Variants in CDH18 observed in about 807,000 individuals in gnomAD.
CDH18 encodes the protein cadherin-18.
CDH18 carries 31 observed loss-of-function variants against 67.9 expected under a neutral mutation model. The ratio of observed to expected loss-of-function variants is 0.46; its 90% CI spans 0.34 to 0.62. The LOEUF is 0.62. Ranked by LOEUF, CDH18 falls within the 20% of genes least tolerant of loss-of-function variation. The pLI is 0.01. For missense variants in CDH18, 890 were observed against 975.5 expected, an observed-to-expected ratio of 0.91 and a Z score of 1.17; for synonymous variants, 362 against 347.2, an observed-to-expected ratio of 1.04 and a Z score of -0.48.
At chr5:20,471,851 AG>A (rs1752110491) in intron 1 of CDH18, among the ~76,000 whole-genome samples, 1 of 137,602 alleles carries the variant, frequency 7.3e-6, no homozygotes, top group Non-Finnish European at 1.6e-5. Flanking sequence ...AAAAAAAAAA[AG>A]CAAAAGCATT....
At chr5:20,549,997 G>A (rs1757546518) in intron 1 of CDH18, among the ~76,000 whole-genome samples, 1 of 152,056 alleles carries the variant, frequency 6.6e-6, no homozygotes, top group African/African-American at 2.4e-5. Flanking sequence ...TAAAATATTT[G>A]AAATGCACAG....
chr5:19,945,408 T>C (rs1269206351), intron 2 of CDH18, among the ~76,000 whole-genome samples: 1 of 152,086 alleles, frequency 6.6e-6, no homozygotes. Context: ...AATGGTGAAA[T>C]CAATGACTTA....
intron 2 of CDH18, among the ~76,000 whole-genome samples, chr5:20,169,164 A>G (rs796557908): frequency 2.0e-5 from 3 of 152,252 alleles, no homozygotes; most frequent in African/African-American, 7.2e-5. Context: ...ATAAAGGATA[A>G]ATGCTTGAGG....
chr5:19,864,708 T>C (rs1054399274), intron 2 of CDH18, among the ~76,000 whole-genome samples: 1 of 152,116 alleles, frequency 6.6e-6, no homozygotes, highest in Non-Finnish European at 1.5e-5. Flanking sequence ...CACATCCTCT[T>C]GGCCTAATTT....
chr5:19,774,264 G>A (rs544164387), intron 3 of CDH18, among the ~76,000 whole-genome samples: 87 of 151,844 alleles, frequency 5.7e-4, no homozygotes, highest in Admixed American at 1.1e-3. Context: ...TTATATTAAG[G>A]GGGGCTGGGC....
intron 2 of CDH18, among the ~76,000 whole-genome samples, chr5:19,894,285 C>T (rs1016441996): frequency 6.6e-6 from 1 of 151,760 alleles, no homozygotes; most frequent in African/African-American, 2.4e-5. Context: ...ATTTGGATGC[C>T]ATTGTTAATA....
At chr5:19,902,389 C>T (rs1197765385) in intron 2 of CDH18, among the ~76,000 whole-genome samples, 4 of 152,114 alleles carry the variant, frequency 2.6e-5, no homozygotes, top group Non-Finnish European at 5.9e-5. Context: ...CTCCCTCCCT[C>T]CCTCTTGAAA....
At chr5:20,525,418 G>A (rs143039800) in intron 1 of CDH18, among the ~76,000 whole-genome samples, 217 of 152,154 alleles carry the variant, frequency 1.4e-3, no homozygotes, top group African/African-American at 5.1e-3. Context: ...GAATTTACAG[G>A]CTGAAAAGCA....
intron 3 of CDH18, among the ~76,000 whole-genome samples, chr5:19,771,062 C>T (rs1773672148): frequency 6.6e-6 from 1 of 152,104 alleles, no homozygotes; most frequent in Non-Finnish European, 1.5e-5. Flanking sequence ...TGGGATGATA[C>T]TTTTGGGGTA....
At chr5:20,207,016 G>GA (rs1210298645) in intron 2 of CDH18, among the ~76,000 whole-genome samples, 1 of 151,236 alleles carries the variant, frequency 6.6e-6, no homozygotes, top group Non-Finnish European at 1.5e-5. Flanking sequence ...AAGCAAGAAA[G>GA]AAAAATGAAG....
intron 2 of CDH18, among the ~76,000 whole-genome samples, chr5:20,169,810 C>T (rs1407522370): frequency 6.6e-6 from 1 of 151,932 alleles, no homozygotes; most frequent in Non-Finnish European, 1.5e-5. Flanking sequence ...ATGAAATTAG[C>T]ATAGGCCAGT....
chr5:20,408,367 T>G (rs544235905), intron 1 of CDH18, among the ~76,000 whole-genome samples: 57 of 152,076 alleles, frequency 3.7e-4, no homozygotes, highest in African/African-American at 1.4e-3. Flanking sequence ...TACAGAATAA[T>G]GCATTTTTTT....
At chr5:20,040,902 C>T (rs1740362468) in intron 2 of CDH18, among the ~76,000 whole-genome samples, 1 of 152,210 alleles carries the variant, frequency 6.6e-6, no homozygotes, top group Non-Finnish European at 1.5e-5. Flanking sequence ...CTATGAATTA[C>T]TGTTCCACAT....
At chr5:20,185,204 T>C (rs1156583402) in intron 2 of CDH18, among the ~76,000 whole-genome samples, 3 of 152,056 alleles carry the variant, frequency 2.0e-5, no homozygotes, top group African/African-American at 7.2e-5. Context: ...CAACAATATG[T>C]TCAAAGTACA....
chr5:20,163,014 G>A (rs1251832853), intron 2 of CDH18, among the ~76,000 whole-genome samples: 3 of 151,892 alleles, frequency 2.0e-5, no homozygotes, highest in Non-Finnish European at 4.4e-5. Flanking sequence ...AGCTGAGATC[G>A]CGCCAGTGCA....
intron 3 of CDH18, among the ~76,000 whole-genome samples, chr5:19,776,586 G>A (rs1006654132): frequency 4.6e-5 from 7 of 152,104 alleles, no homozygotes; most frequent in South Asian, 2.1e-4. Context: ...GAAAAAAGGC[G>A]TAATGACAGT....
chr5:20,440,360 G>A (rs776866244), intron 1 of CDH18, among the ~76,000 whole-genome samples: 7 of 151,854 alleles, frequency 4.6e-5, no homozygotes, highest in Non-Finnish European at 7.4e-5. Flanking sequence ...ATAGTGAAAG[G>A]TAAGTGGTGT....
At chr5:20,348,178 T>G (rs1740866382) in intron 1 of CDH18, among the ~76,000 whole-genome samples, 1 of 152,194 alleles carries the variant, frequency 6.6e-6, no homozygotes, top group African/African-American at 2.4e-5. Context: ...GACAATATCT[T>G]TATCCCACAT....
intron 2 of CDH18, among the ~76,000 whole-genome samples, chr5:20,070,168 T>C (rs1326514305): frequency 6.6e-6 from 1 of 152,236 alleles, no homozygotes; most frequent in Non-Finnish European, 1.5e-5. Flanking sequence ...ACAGATTGGC[T>C]TATTTCACTT....
Sources: gnomAD v4.1 joint callset for allele counts (sites outside exome capture counted in the v4.1 genomes callset) on GRCh38, gnomAD v4.1.1 for gene constraint, MANE v1.5 for transcripts, NCBI Gene and HGNC (gene_info 2026-07-23, HGNC 2026-07-21) for gene names.